The following HSPA12B variants were observed in gnomAD, a reference collection of about 807,000 sequenced individuals.
The protein encoded by HSPA12B is heat shock 70 kDa protein 12B.
Under a neutral mutation model 69.3 loss-of-function variants are expected in HSPA12B, and 54 were observed. The ratio of observed to expected loss-of-function variants is 0.78; its 90% CI spans 0.63 to 0.98. HSPA12B has a LOEUF of 0.98. Ranked by LOEUF, HSPA12B falls within the 50% of genes least tolerant of loss-of-function variation. The pLI is 0.00. For missense variants in HSPA12B, 929 were observed against 999.8 expected (o/e 0.93, Z 0.96); for synonymous variants, 441 against 436.5 (o/e 1.01, Z -0.13).
intron 1 of HSPA12B, among the ~76,000 whole-genome samples, chr20:3,736,917 C>T (rs186476945): frequency 2.0e-5 from 3 of 152,174 alleles, no homozygotes; most frequent in South Asian, 2.1e-4. Flanking sequence ...AATTAGGTGG[C>T]GCATGCCTGT....
At chr20:3,743,727 T>G (rs55964417) in intron 4 of HSPA12B, among the ~76,000 whole-genome samples, 1,680 of 149,246 alleles carry the variant, frequency 0.011, 31 homozygotes, top group East Asian at 0.097. Flanking sequence ...TTTAGGGGGG[T>G]TTTTTCCTCC....
Position 3,751,771 on chromosome 20 carries a change from C to T in HSPA12B, c.1666C>T (p.His556Tyr). Reference protein sequence around the residue: ...GVLNRFVPGRHPPEKLLVRDG... With the variant: ...GVLNRFVPGRYPPEKLLVRDG... Reference sequence around the variant, plus strand: ...GCTCAACCGCTTTGTGCCTGGGCGCCACCCGCCCGAAAAGCTGCTGGTTCG... The same window carrying T: ...GCTCAACCGCTTTGTGCCTGGGCGCTACCCGCCCGAAAAGCTGCTGGTTCG... The change falls in exon 13 of 13, where the codon CAC becomes TAC. Residue 556 changes from histidine (H) to tyrosine (Y), a missense_variant. Physicochemically the swap from His to Tyr is moderately conservative, Grantham distance 83. This residue lies in a region of HSPA12B where 448 missense variants were observed against 448.1 expected (regional missense o/e 1.00). Transcript: ENST00000254963. 2 of 1,526,392 alleles carry T rather than the reference C, an allele frequency of 1.3e-6. No homozygotes were observed. The highest frequency in any genetic ancestry group is 1.8e-6 in the Non-Finnish European group (2 of 1,142,542). 94.6% of individuals were successfully genotyped at this position (1,526,392 alleles called of 1,614,324 possible). A position where few individuals can be genotyped will look rare whatever the true frequency, so the allele number is the denominator to read the frequency against.
In HSPA12B at chr20:3,752,431, A is replaced by T; in HGVS notation, c.*265A>T. On this transcript the variant is annotated 3_prime_UTR_variant, in exon 13 of 13. Coordinates refer to ENST00000254963, the MANE Select transcript of HSPA12B (RefSeq NM_052970.5). ...ACGGGTAAGAGAAGAGGTTTGCAAG[A>T]CAGAGCGCGCAGCCCGGCAAGGGGC... The T allele has an allele frequency of 2.6e-6, 1 of 379,442 alleles. No homozygotes were observed. Among genetic ancestry groups the T allele is most frequent in the Non-Finnish European group, 4.7e-6 (1 of 213,210 alleles). The allele number at this position is 379,442 out of a possible 1,614,324, so 23.5% of individuals were successfully genotyped here. A position where few individuals can be genotyped will look rare whatever the true frequency, so the allele number is the denominator to read the frequency against.
chr20:3,742,181 C>T, intron 3 of HSPA12B, 103 bp from the exon 4 acceptor site: 1 of 1,519,586 alleles, frequency 6.6e-7, no homozygotes, highest in Non-Finnish European at 8.9e-7. Flanking sequence ...GGACCACAGT[C>T]AGTGGAGGGG....
chr20:3,736,920 A>G (rs2088117500), intron 1 of HSPA12B, among the ~76,000 whole-genome samples: 1 of 152,172 alleles, frequency 6.6e-6, no homozygotes, highest in Admixed American at 6.5e-5. Flanking sequence ...TAGGTGGCGC[A>G]TGCCTGTGGC....
chr20:3,738,589 A>C (rs2088143834), intron 1 of HSPA12B, 69 bp from the exon 2 acceptor site: 1 of 1,439,144 alleles, frequency 6.9e-7, no homozygotes, highest in South Asian at 1.2e-5. Flanking sequence ...AAATAAAATA[A>C]ATAAGCATTC....
chr20:3,735,611 G>A (rs750617784), intron 1 of HSPA12B, among the ~76,000 whole-genome samples: 9 of 151,906 alleles, frequency 5.9e-5, no homozygotes, highest in South Asian at 2.1e-4. Flanking sequence ...AATTACAGGC[G>A]TCTGCCACTA....
Position 3,740,824 on chromosome 20 carries a change from C to A in HSPA12B, c.53C>A (p.Pro18Gln), listed in dbSNP as rs199871927. Residue 18 changes from proline (P) to glutamine (Q), a missense_variant, in exon 3 of 13, where the codon CCG (proline) becomes CAG (glutamine). Pro to Gln is a moderately conservative substitution (Grantham distance 76). Coordinates refer to ENST00000254963, the MANE Select transcript of HSPA12B (RefSeq NM_052970.5). This position sits in a 1 kb window ranked among gnomAD's most constrained non-coding sequence, Gnocchi z 4.9. ...GLQGLYIGSS[P>Q]ERSPVPSPPG... The stretch of plus-strand genomic sequence containing the variant: ...CGTCTCTTCTCTGCAGGCTCCAGCC[C>A]GGAGCGGTCCCCAGTGCCTAGCCCA... 2 of 1,613,504 alleles carry A rather than the reference C, an allele frequency of 1.2e-6. No individual in the cohort carries two copies. Among genetic ancestry groups the A allele is most frequent in the Admixed American group, 3.3e-5 (2 of 59,988 alleles).
At chr20:3,750,351 CAGCAGGGCGTCGG>C (rs2088393755) in intron 11 of HSPA12B, 124 bp downstream of exon 11, 1 of 1,080,380 alleles carries the variant, frequency 9.3e-7, no homozygotes, top group African/African-American at 1.6e-5. Context: ...TACACTAAGC[CAGCAGGGCGTCGG>C]GGTGGGGCGG....
Position 3,749,326 on chromosome 20 carries a change from G to T in HSPA12B, c.937+8G>T. 1 of 1,611,510 alleles carries T rather than the reference G, an allele frequency of 6.2e-7. No individual in the cohort carries two copies. Among genetic ancestry groups the T allele is most frequent in the South Asian group, 1.1e-5 (1 of 90,770 alleles). ...GGGCAGAGATGCAAGCAGGTAGGGG[G>T]AAAGGGGGACGGAGTGTTATCCTTG... On this transcript the variant is annotated splice_region_variant and intron_variant, in intron 9 of 12. Coordinates refer to ENST00000254963, the MANE Select transcript of HSPA12B (RefSeq NM_052970.5). The surrounding 1 kb of genome is among the most constrained non-coding windows in gnomAD (Gnocchi z 5.5).
intron 4 of HSPA12B, among the ~76,000 whole-genome samples, chr20:3,742,880 T>A (rs1407866851): frequency 7.3e-6 from 1 of 137,722 alleles, no homozygotes; most frequent in African/African-American, 2.8e-5. Flanking sequence ...GTGGGGTTTT[T>A]TGTTTTTTTT....
At chr20:3,742,194 T>G in intron 3 of HSPA12B, 90 bp from the exon 4 acceptor site, 1 of 1,534,974 alleles carries the variant, frequency 6.5e-7, no homozygotes, top group Non-Finnish European at 8.8e-7. Flanking sequence ...TGGAGGGGAG[T>G]GTCTTCCCCA....
Position 3,750,061 on chromosome 20 carries a change from C to T in HSPA12B, c.1135C>T (p.Gln379Ter). 1 of 1,610,770 alleles carries T rather than the reference C, an allele frequency of 6.2e-7. No homozygotes were observed. Among genetic ancestry groups the T allele is most frequent in the Non-Finnish European group, 8.5e-7 (1 of 1,179,046 alleles). Residue 379 changes from glutamine (Q) to a stop codon, truncating the protein, a stop_gained, in exon 11 of 13, where the codon CAA (glutamine) becomes TAA (stop). Transcript: ENST00000254963. LOFTEE classifies it high-confidence loss of function. ...GGACTTCATCGCCACCTTCAAAAGG[C>T]AACGGCCGGCAGCCTGGGTAGATCT... Reference protein sequence around the residue: ...GEDFIATFKRQRPAAWVDLTI... With the variant: ...GEDFIATFKR
chr20:3,747,922 T>G (rs1251504755), intron 7 of HSPA12B, among the ~76,000 whole-genome samples: 1 of 152,228 alleles, frequency 6.6e-6, no homozygotes, highest in African/African-American at 2.4e-5. Flanking sequence ...TCTTGGGAAA[T>G]TTGAAGGGGC....
At chr20:3,742,549 A>T in intron 4 of HSPA12B, 141 bp downstream of exon 4, 1 of 626,250 alleles carries the variant, frequency 1.6e-6, no homozygotes, top group Non-Finnish European at 2.7e-6. Flanking sequence ...ACTGGGGTAA[A>T]AGTTGGAGGA....
chr20:3,746,093 T>C (rs1487388851), intron 7 of HSPA12B, 62 bp downstream of exon 7: 1 of 1,210,020 alleles, frequency 8.3e-7, no homozygotes, highest in Non-Finnish European at 1.2e-6. Flanking sequence ...GTCCCCATGC[T>C]TGCATGCACC....
chr20:3,742,655 G>A (rs191593184), intron 4 of HSPA12B, among the ~76,000 whole-genome samples: 2 of 151,842 alleles, frequency 1.3e-5, no homozygotes, highest in Non-Finnish European at 2.9e-5. Flanking sequence ...ATTTTTTTGA[G>A]ATATAACAAA....
Position 3,752,079 on chromosome 20 carries a change from G to A in HSPA12B, c.1974G>A (p.Gln658=). ...PGRREIRAAM[Q]FGDTEIKVTA... is the part of the protein sequence containing the mutation. Reference sequence around the variant, plus strand: ...GCCGCGAGATCCGCGCCGCCATGCAGTTTGGCGACACCGAAATTAAGGTCA... The same window carrying A: ...GCCGCGAGATCCGCGCCGCCATGCAATTTGGCGACACCGAAATTAAGGTCA... The change falls in exon 13 of 13, where the codon CAG becomes CAA. Residue 658 remains glutamine (Q), a synonymous_variant. Transcript: ENST00000254963. The A allele has an allele frequency of 6.5e-7, 1 of 1,530,638 alleles. No individual in the cohort carries two copies. The highest frequency in any genetic ancestry group is 8.7e-7 in the Non-Finnish European group (1 of 1,146,972). 94.8% of individuals were successfully genotyped at this position (1,530,638 alleles called of 1,614,324 possible).
chr20:3,744,953 C>T lies in HSPA12B; in HGVS notation c.318C>T (p.Cys106=), dbSNP rs1406943058. The T allele has an allele frequency of 6.2e-7, 1 of 1,613,856 alleles. No homozygotes were observed. The highest frequency in any genetic ancestry group is 8.5e-7 in the Non-Finnish European group (1 of 1,180,038). The part of the protein sequence containing the change: ...PGVAHQKTPT[C]LLLTPEGAFH... Reference sequence around the variant, plus strand: ...TGGCCCACCAGAAGACCCCGACCTGCCTGCTGCTGACTCCGGAGGGCGCCT... The same window carrying T: ...TGGCCCACCAGAAGACCCCGACCTGTCTGCTGCTGACTCCGGAGGGCGCCT... Residue 106 remains cysteine (C), a synonymous_variant, in exon 5 of 13, where the codon TGC becomes TGT. Coordinates refer to ENST00000254963, the MANE Select transcript of HSPA12B (RefSeq NM_052970.5). The surrounding 1 kb of genome is among the most constrained non-coding windows in gnomAD (Gnocchi z 4.9).
Sources: gnomAD v4.1 joint callset for allele counts (sites outside exome capture counted in the v4.1 genomes callset) on GRCh38, gnomAD v4.1.1 for gene constraint, gnomAD v4.1.1 regional missense constraint, Gnocchi (gnomAD v3.1) non-coding constraint, MANE v1.5 for transcripts, NCBI Gene and HGNC (gene_info 2026-07-23, HGNC 2026-07-21) for gene names.